Variants in PRPF8 observed in about 807,000 individuals in gnomAD.
The protein encoded by PRPF8 is pre-mRNA-processing-splicing factor 8.
Under a neutral mutation model 285.9 loss-of-function variants are expected in PRPF8, and 64 were observed. That is an observed-to-expected ratio of 0.22 (90% CI 0.18 to 0.28). The LOEUF (loss-of-function observed/expected upper bound fraction) is 0.28, where lower values mean the gene tolerates loss of function less well. PRPF8 is among the 10% of genes least tolerant of loss of function. The pLI is 1.00. For synonymous variants in PRPF8, 1,325 were observed against 1,118.2 expected, an observed-to-expected ratio of 1.18 and a Z score of -3.69; for missense variants, 1,426 against 3,026.7, an observed-to-expected ratio of 0.47 and a Z score of 12.41.
At chr17:1,677,430 G>T in intron 14 of PRPF8, 135 bp downstream of exon 14, 1 of 1,334,352 alleles carries the variant, frequency 7.5e-7, no homozygotes, top group Non-Finnish European at 1.1e-6. Context: ...TACTAGGTCA[G>T]ACTCATTTCA....
intron 3 of PRPF8, chr17:1,682,997 AT>A (rs568405779): frequency 0.015 from 2,442 of 158,292 alleles, no homozygotes; most frequent in South Asian, 0.05. Flanking sequence ...CTTATTTTTC[AT>A]TTTTTTTTTT....
At chr17:1,656,266 A>C in intron 36 of PRPF8, 126 bp downstream of exon 36, 2 of 1,232,374 alleles carry the variant, frequency 1.6e-6, no homozygotes, top group Non-Finnish European at 2.4e-6. Flanking sequence ...CTCTCATGAA[A>C]GTCAACAGAG....
chr17:1,680,916 C>A lies in PRPF8; in HGVS notation c.992+13G>T, dbSNP rs1223098995. 6.2e-7 allele frequency: 1 copy of A among 1,614,008 alleles called. No homozygotes were observed. The highest frequency in any genetic ancestry group is 8.5e-7 in the Non-Finnish European group (1 of 1,180,034). ...CCTTCTCCTTTCCAAATGTTGTGTT[C>A]CAGGTCTCTTACCAGGTGAGGTGGA... On this transcript the variant is annotated intron_variant, in intron 7 of 42. Transcript: ENST00000304992.
In PRPF8 at chr17:1,656,641, C is replaced by A. The variant is rs377213506; in HGVS notation, c.5619+7G>T. 4.3e-6 allele frequency: 7 copies of A among 1,614,102 alleles called. No individual in the cohort carries two copies. Among genetic ancestry groups the A allele is most frequent in the Non-Finnish European group, 5.9e-6 (7 of 1,179,982 alleles). On this transcript the variant is annotated splice_region_variant and intron_variant, in intron 35 of 42. Coordinates refer to ENST00000304992, the MANE Select transcript of PRPF8 (RefSeq NM_006445.4). ...CTCTTTTCTCCTACCCCACCCCACC[C>A]TCTTACCTCCAGTGGGTCCAGCATG... is the stretch of plus-strand genomic sequence containing the variant.
intron 13 of PRPF8, 26 bp downstream of exon 13, chr17:1,678,488 AAAAG>A (rs372333674): frequency 2.2e-5 from 35 of 1,614,138 alleles, no homozygotes; most frequent in Middle Eastern, 3.3e-4. Context: ...TGTCTCAAAA[AAAAG>A]AAAGTCAGTA....
chr17:1,662,260 G>A, intron 24 of PRPF8, 107 bp from the exon 25 acceptor site: 1 of 1,274,310 alleles, frequency 7.8e-7, no homozygotes, highest in Admixed American at 1.9e-5. Flanking sequence ...AAAGATTTGA[G>A]TTCAACATCA....
chr17:1,658,796 A>C lies in PRPF8; in HGVS notation c.5139-33T>G. On this transcript the variant is annotated intron_variant, in intron 32 of 42. Coordinates refer to ENST00000304992, the MANE Select transcript of PRPF8 (RefSeq NM_006445.4). This position sits in a 1 kb window ranked among gnomAD's most constrained non-coding sequence, Gnocchi z 4.1. ...GATAAAAGGGTCAAGAAAAGTTAAG[A>C]CGAGAATGACAGCCCCAGAAACAAG... 6.3e-7 allele frequency: 1 copy of C among 1,584,000 alleles called. No individual in the cohort carries two copies. Among genetic ancestry groups the C allele is most frequent in the Non-Finnish European group, 8.7e-7 (1 of 1,152,582 alleles).
intron 24 of PRPF8, among the ~76,000 whole-genome samples, chr17:1,668,941 G>A (rs1912153655): frequency 6.6e-6 from 1 of 152,026 alleles, no homozygotes; most frequent in Non-Finnish European, 1.5e-5. Flanking sequence ...CCTAACTGCA[G>A]CCCAAGAAAA....
At chr17:1,671,590 G>A (rs9897054) in intron 24 of PRPF8, among the ~76,000 whole-genome samples, 39,578 of 151,870 alleles carry the variant, frequency 0.26, 7,150 homozygotes, top group African/African-American at 0.52. Flanking sequence ...GGTGGCTCAC[G>A]CCTGTAATCC....
chr17:1,661,831 C>T lies in PRPF8; in HGVS notation c.4023-41G>A, dbSNP rs374906017. 2.2e-5 allele frequency: 36 copies of T among 1,613,984 alleles called. No individual in the cohort carries two copies. The highest frequency in any genetic ancestry group is 2.9e-5 in the Non-Finnish European group (34 of 1,180,034). On this transcript the variant is annotated intron_variant, in intron 25 of 42. Coordinates refer to ENST00000304992, the MANE Select transcript of PRPF8 (RefSeq NM_006445.4). This position sits in a 1 kb window ranked among gnomAD's most constrained non-coding sequence, Gnocchi z 7.3. ...ACCAAGATTACAGAAAAAATAAAGCCTAAAACTAAAGAAATACCCACTTCC... is the reference window on the plus strand; with the variant it reads ...ACCAAGATTACAGAAAAAATAAAGCTTAAAACTAAAGAAATACCCACTTCC...
In PRPF8 at chr17:1,678,798, G is replaced by A. The variant is rs762182657; in HGVS notation, c.1683C>T (p.His561=). The A allele has an allele frequency of 1.2e-5, 20 of 1,614,010 alleles. No individual in the cohort carries two copies. The highest frequency in any genetic ancestry group is 4.4e-5 in the South Asian group (4 of 91,080). Residue 561 remains histidine, a synonymous_variant, in exon 12 of 43, where the codon CAC becomes CAT. Transcript: ENST00000304992. ...CCACATTGCCCAGCCGATACTGCAC[G>A]TGACTATCCACCACCAGCTTAGTCA... is the stretch of plus-strand genomic sequence containing the variant. The part of the protein sequence containing the change: ...LRLTKLVVDS[H]VQYRLGNVDA...
intron 3 of PRPF8, 55 bp from the exon 4 acceptor site, chr17:1,682,348 T>G (rs1912974980): frequency 6.3e-7 from 1 of 1,578,780 alleles, no homozygotes; most frequent in South Asian, 1.1e-5. Context: ...TTCTGCTACC[T>G]GTCCCATGCA....
Position 1,653,080 on chromosome 17 carries a change from G to A in PRPF8, c.6369+462C>T, listed in dbSNP as rs938158411. 7.4e-5 allele frequency: 20 copies of A among 270,128 alleles called. No homozygotes were observed. Among genetic ancestry groups the A allele is most frequent in the East Asian group, 9.4e-5 (1 of 10,666 alleles). The allele number at this position is 270,128 out of a possible 1,614,324, so 16.7% of individuals were successfully genotyped here. On this transcript the variant is annotated intron_variant, in intron 39 of 42. Transcript: ENST00000304992. The surrounding 1 kb of genome is among the most constrained non-coding windows in gnomAD (Gnocchi z 4.9). ...CAACCTCCCTAGTAGCTGCAACTAC[G>A]GGCGCATGCCACCATGCCTGGCTAA...
In PRPF8 at chr17:1,678,434, G is replaced by T. The variant is rs574150673; in HGVS notation, c.1854+84C>A. 24 of 1,570,180 alleles carry T rather than the reference G, an allele frequency of 1.5e-5. No homozygotes were observed. In the African/African-American group the frequency reaches 2.8e-4, roughly 19 times the overall value. ...GGAGGCGGAGGTTGCAGTGAGCCAA[G>T]ATCGTGCCATTGCACACCAGCCCAA... On this transcript the variant is annotated intron_variant, in intron 13 of 42. Coordinates refer to ENST00000304992, the MANE Select transcript of PRPF8 (RefSeq NM_006445.4).
chr17:1,660,967 T>C, intron 28 of PRPF8, 26 bp downstream of exon 28: 2 of 1,613,080 alleles, frequency 1.2e-6, no homozygotes, highest in Non-Finnish European at 1.7e-6. Context: ...TTGTGACAGG[T>C]CCCTCTAAGA....
At position 1,651,569 on chromosome 17, in the gene PRPF8, A is replaced by T. The variant is rs1335410871; in HGVS notation, c.6511-16T>A. 1.9e-6 allele frequency: 3 copies of T among 1,613,980 alleles called. No individual in the cohort carries two copies. Among genetic ancestry groups the T allele is most frequent in the Non-Finnish European group, 2.5e-6 (3 of 1,180,028 alleles). ...GTTCCATCTCCTATAGGTAAAGAGG[A>T]GTACAGAGCTGAATCCCATCCACAG... On this transcript the variant is annotated splice_polypyrimidine_tract_variant and intron_variant, in intron 40 of 42. Coordinates refer to ENST00000304992, the MANE Select transcript of PRPF8 (RefSeq NM_006445.4). The surrounding 1 kb of genome is among the most constrained non-coding windows in gnomAD (Gnocchi z 5.1).
At chr17:1,656,846 T>C in intron 34 of PRPF8, 85 bp from the exon 35 acceptor site, 1 of 1,191,810 alleles carries the variant, frequency 8.4e-7, no homozygotes, top group Non-Finnish European at 1.2e-6. Context: ...TTTGAAATAA[T>C]CCAACTACGT....
chr17:1,683,888 CTTTTTT>C (rs112914461), intron 2 of PRPF8, among the ~76,000 whole-genome samples, 187 bp from the exon 3 acceptor site: 1 of 140,512 alleles, frequency 7.1e-6, no homozygotes, highest in East Asian at 2.0e-4. Context: ...CACTATCTGA[CTTTTTT>C]TTTTTTTTTT....
At position 1,650,699 on chromosome 17, in the gene PRPF8, G is replaced by A; in HGVS notation, c.*103C>T. ...AGCCATCAGGAGGTCAACAACACAA[G>A]CACAGACAGAGGGAAAGAGGCCAAA... On this transcript the variant is annotated 3_prime_UTR_variant, in exon 43 of 43. Transcript: ENST00000304992. The A allele has an allele frequency of 5.8e-6, 8 of 1,373,194 alleles. No homozygotes were observed. Among genetic ancestry groups the A allele is most frequent in the East Asian group, 2.3e-5 (1 of 43,754 alleles). 85.1% of individuals were successfully genotyped at this position (1,373,194 alleles called of 1,614,324 possible).
Sources: allele counts gnomAD v4.1 joint callset (sites outside exome capture counted in the v4.1 genomes callset), GRCh38; gene constraint gnomAD v4.1.1; non-coding constraint Gnocchi (gnomAD v3.1); transcripts MANE v1.5; gene names NCBI Gene and HGNC (gene_info 2026-07-23, HGNC 2026-07-21).